Variants in NKAIN2 observed in about 807,000 individuals in gnomAD.
NKAIN2 encodes the protein sodium/potassium-transporting ATPase subunit beta-1-interacting protein 2.
In NKAIN2, 14 loss-of-function variants were observed where a neutral mutation model predicts 32.6. The ratio of observed to expected loss-of-function variants is 0.43; its 90% CI spans 0.28 to 0.67. The LOEUF (loss-of-function observed/expected upper bound fraction) is 0.67, where lower values mean the gene tolerates loss of function less well. Ranked by LOEUF, NKAIN2 falls within the 30% of genes least tolerant of loss-of-function variation. The pLI, the probability that NKAIN2 is intolerant of heterozygous loss-of-function variation, is 0.17. For missense variants in NKAIN2, 198 were observed against 258.3 expected, an observed-to-expected ratio of 0.77 and a Z score of 1.60; for synonymous variants, 80 against 87.2, an observed-to-expected ratio of 0.92 and a Z score of 0.46.
intron 3 of NKAIN2, among the ~76,000 whole-genome samples, chr6:124,567,302 TG>T (rs576771925): frequency 1.0e-3 from 154 of 152,336 alleles, no homozygotes; most frequent in Admixed American, 2.3e-3. Context: ...CACCAATAAT[TG>T]GGCTTTCAAC....
chr6:124,040,495 T>C (rs2114808121), intron 1 of NKAIN2, among the ~76,000 whole-genome samples: 1 of 152,150 alleles, frequency 6.6e-6, no homozygotes, highest in Non-Finnish European at 1.5e-5. Context: ...CTCTTTGTCA[T>C]AATTACCTCA....
At chr6:124,477,114 C>T (rs775768858) in intron 3 of NKAIN2, among the ~76,000 whole-genome samples, 5 of 152,096 alleles carry the variant, frequency 3.3e-5, no homozygotes, top group African/African-American at 2.4e-5. Context: ...TAAAATGCAT[C>T]GCATCTCTTA....
At chr6:123,935,850 T>C (rs1776479603) in intron 1 of NKAIN2, among the ~76,000 whole-genome samples, 1 of 152,164 alleles carries the variant, frequency 6.6e-6, no homozygotes, top group South Asian at 2.1e-4. Context: ...TTTGTGCTTT[T>C]TTCTTAGGCA....
chr6:124,167,986 A>C (rs974340068), intron 1 of NKAIN2, among the ~76,000 whole-genome samples: 4 of 152,182 alleles, frequency 2.6e-5, no homozygotes, highest in African/African-American at 9.6e-5. Flanking sequence ...CTCTTTTGAG[A>C]ATCCAAAACC....
chr6:124,024,813 C>T (rs1781031597), intron 1 of NKAIN2, among the ~76,000 whole-genome samples: 1 of 152,000 alleles, frequency 6.6e-6, no homozygotes, highest in African/African-American at 2.4e-5. Flanking sequence ...ATGGTGAAAC[C>T]CTGTCTCTAC....
chr6:124,790,017 G>A (rs370700340), intron 4 of NKAIN2, among the ~76,000 whole-genome samples: 11 of 152,084 alleles, frequency 7.2e-5, no homozygotes, highest in East Asian at 5.8e-4. Context: ...ACTGTGTTGC[G>A]TAAGTCTTCT....
At chr6:123,886,899 G>A (rs1006867140) in intron 1 of NKAIN2, among the ~76,000 whole-genome samples, 11 of 152,032 alleles carry the variant, frequency 7.2e-5, no homozygotes, top group Non-Finnish European at 1.0e-4. Flanking sequence ...TTAATAACAG[G>A]GCACAGTGGG....
intron 4 of NKAIN2, among the ~76,000 whole-genome samples, chr6:124,790,715 T>C (rs1396034755): frequency 2.0e-5 from 3 of 152,076 alleles, no homozygotes; most frequent in Non-Finnish European, 2.9e-5. Context: ...ACAGACCTTT[T>C]TGTAGTGTTT....
At chr6:123,825,587 G>A (rs1022748657) in intron 1 of NKAIN2, among the ~76,000 whole-genome samples, 1 of 152,062 alleles carries the variant, frequency 6.6e-6, no homozygotes, top group Non-Finnish European at 1.5e-5. Context: ...CCATTAAAAG[G>A]ATCATTAGAG....
chr6:124,686,053 A>G (rs1773859245), intron 4 of NKAIN2, among the ~76,000 whole-genome samples: 1 of 152,100 alleles, frequency 6.6e-6, no homozygotes, highest in African/African-American at 2.4e-5. Context: ...GGCAGAATTC[A>G]GTTCTGTGTG....
At chr6:124,435,011 A>G (rs1775379225) in intron 3 of NKAIN2, among the ~76,000 whole-genome samples, 1 of 152,214 alleles carries the variant, frequency 6.6e-6, no homozygotes, top group South Asian at 2.1e-4. Context: ...TAATCAAGAG[A>G]ACAGAAATAA....
chr6:124,101,031 A>G (rs1331415358), intron 1 of NKAIN2, among the ~76,000 whole-genome samples: 1 of 152,208 alleles, frequency 6.6e-6, no homozygotes, highest in South Asian at 2.1e-4. Context: ...TATATTTTCC[A>G]TTGTCACAAG....
rs377451908 is a variant in NKAIN2, at chr6:124,675,917, A to T, written c.474+17531A>T. On this transcript the variant is annotated intron_variant, in intron 4 of 6. Coordinates refer to ENST00000368417, the MANE Select transcript of NKAIN2 (RefSeq NM_001040214.3). ...TTCTGGTTCTTTGAGTTGTAAAGTT[A>T]CATTGTTTGTTTAATATCTTTCTTC... Among the ~76,000 whole-genome samples, 102 of 151,574 alleles carry T rather than the reference A, an allele frequency of 6.7e-4. No homozygotes were observed. The South Asian group carries it at 0.02, about 30-fold the overall frequency.
rs575273389 is a variant in NKAIN2 at position 124,636,280 on chromosome 6, G to A, written c.274-21906G>A. On this transcript the variant is annotated intron_variant, in intron 3 of 6. Transcript: ENST00000368417. Reference sequence around the variant, plus strand: ...CAAAAACCTATGGGTTACAGAAAACGCAATACTAAGTAGAAAGTTTATAGC... The same window carrying A: ...CAAAAACCTATGGGTTACAGAAAACACAATACTAAGTAGAAAGTTTATAGC... Among the ~76,000 whole-genome samples, 32 of 151,814 alleles carry A rather than the reference G, an allele frequency of 2.1e-4. 1 individual carries two copies. The highest frequency in any genetic ancestry group is 3.4e-3 in the Middle Eastern group (1 of 294).
At chr6:124,230,004 A>C (rs1792364767) in intron 1 of NKAIN2, among the ~76,000 whole-genome samples, 1 of 152,148 alleles carries the variant, frequency 6.6e-6, no homozygotes, top group Admixed American at 6.6e-5. Context: ...TGAACAGTTT[A>C]GAGGGCACAG....
chr6:124,516,408 A>T (rs1221009794), intron 3 of NKAIN2, among the ~76,000 whole-genome samples: 1 of 152,168 alleles, frequency 6.6e-6, no homozygotes, highest in Non-Finnish European at 1.5e-5. Context: ...TTAAAAGAAG[A>T]AAAAAAGCAA....
At chr6:124,519,829 T>C (rs1269852798) in intron 3 of NKAIN2, among the ~76,000 whole-genome samples, 1 of 152,228 alleles carries the variant, frequency 6.6e-6, no homozygotes, top group East Asian at 1.9e-4. Context: ...TTAATCTTAA[T>C]ACTTGCATGT....
chr6:124,275,050 T>C (rs1439491660), intron 1 of NKAIN2, among the ~76,000 whole-genome samples: 1 of 152,144 alleles, frequency 6.6e-6, no homozygotes, highest in African/African-American at 2.4e-5. Flanking sequence ...AATTTTCTGT[T>C]TTTTAAACCT....
At chr6:124,583,650 G>T (rs1781604607) in intron 3 of NKAIN2, among the ~76,000 whole-genome samples, 1 of 152,016 alleles carries the variant, frequency 6.6e-6, no homozygotes, top group South Asian at 2.1e-4. Flanking sequence ...CAGACATATG[G>T]TATATGGAAC....
Sources: allele counts gnomAD v4.1 joint callset (sites outside exome capture counted in the v4.1 genomes callset), GRCh38; gene constraint gnomAD v4.1.1; transcripts MANE v1.5; gene names NCBI Gene and HGNC (gene_info 2026-07-23, HGNC 2026-07-21).